The following TSPAN15 variants were observed in gnomAD, a reference collection of about 807,000 sequenced individuals.
TSPAN15 encodes tetraspanin 15.
In TSPAN15, 20 loss-of-function variants were observed where a neutral mutation model predicts 34.5. The ratio of observed to expected loss-of-function variants is 0.58; its 90% CI spans 0.41 to 0.84. TSPAN15 has a LOEUF of 0.84. Among genes scored for constraint, TSPAN15 ranks in the 40% least tolerant of loss-of-function variants. The probability of loss-of-function intolerance (pLI) is 0.00; values close to 1 mark genes in which losing one functional copy is unlikely to be tolerated. For missense variants in TSPAN15, 313 were observed against 386.1 expected, an observed-to-expected ratio of 0.81 and a Z score of 1.59; for synonymous variants, 155 against 153.9, an observed-to-expected ratio of 1.01 and a Z score of -0.05.
At chr10:69,535,251 C>T in the TSPAN15 span, among the ~76,000 whole-genome samples, 14 of 151,930 alleles carry the variant, frequency 9.2e-5, no homozygotes, top group Non-Finnish European at 4.4e-5. Context: ...TCTTATCATA[C>T]CAGACAGAGA....
chr10:69,464,128 G>C (rs1235888067), intron 1 of TSPAN15, among the ~76,000 whole-genome samples: 2 of 152,258 alleles, frequency 1.3e-5, no homozygotes, highest in Non-Finnish European at 2.9e-5. Context: ...AGGCAAGAGG[G>C]CTTCTCCCCT....
chr10:69,539,362 G>A, the TSPAN15 span, among the ~76,000 whole-genome samples: 10 of 134,980 alleles, frequency 7.4e-5, no homozygotes, highest in African/African-American at 2.5e-4. Context: ...ACTCATTCAT[G>A]TAACAAAAAA....
intron 5 of TSPAN15, among the ~76,000 whole-genome samples, chr10:69,502,331 A>G (rs909638545): frequency 6.6e-6 from 1 of 152,192 alleles, no homozygotes; most frequent in Admixed American, 6.5e-5. Flanking sequence ...ATGGCTCCAG[A>G]CTGCTGTGCC....
chr10:69,466,114 C>G (rs1014591282), intron 1 of TSPAN15, among the ~76,000 whole-genome samples: 2 of 152,234 alleles, frequency 1.3e-5, no homozygotes, highest in Non-Finnish European at 2.9e-5. Context: ...TGCAGGAAGG[C>G]AGAAGTGGGG....
chr10:69,502,709 C>T (rs1842235922), intron 5 of TSPAN15, among the ~76,000 whole-genome samples: 1 of 152,112 alleles, frequency 6.6e-6, no homozygotes. Context: ...GAGGGGCTCT[C>T]CTGGCAGGGT....
At chr10:69,474,301 C>T (rs543642809) in intron 1 of TSPAN15, among the ~76,000 whole-genome samples, 1 of 152,290 alleles carries the variant, frequency 6.6e-6, no homozygotes, top group East Asian at 1.9e-4. Flanking sequence ...CTCCTCTTGC[C>T]CTCACTTTGG....
chr10:69,497,816 C>T (rs1479053261), intron 4 of TSPAN15, among the ~76,000 whole-genome samples: 1 of 152,102 alleles, frequency 6.6e-6, no homozygotes, highest in African/African-American at 2.4e-5. Context: ...TGGGTGCTCT[C>T]CTTGCTAAGG....
At chr10:69,511,447 T>C (rs1842413948), downstream of TSPAN15, among the ~76,000 whole-genome samples, 1 of 152,120 alleles carries the variant, frequency 6.6e-6, no homozygotes, top group East Asian at 1.9e-4. Flanking sequence ...TTTTATTGTG[T>C]CTATTTGATT....
At chr10:69,499,575 AC>A (rs1421183579) in intron 5 of TSPAN15, among the ~76,000 whole-genome samples, 1 of 152,210 alleles carries the variant, frequency 6.6e-6, no homozygotes, top group African/African-American at 2.4e-5. Context: ...TTGGCTGAGA[AC>A]CTACTCTATG....
the TSPAN15 span, among the ~76,000 whole-genome samples, chr10:69,528,074 C>T: frequency 1.1e-4 from 16 of 147,974 alleles, 1 homozygote; most frequent in South Asian, 2.1e-4. Flanking sequence ...GCTATCCGCC[C>T]GGATCCCATG....
At chr10:69,533,998 TTGTG>T in the TSPAN15 span, among the ~76,000 whole-genome samples, 1 of 152,332 alleles carries the variant, frequency 6.6e-6, no homozygotes, top group South Asian at 2.1e-4. Context: ...GAAAAACAGT[TTGTG>T]TTTTCCACAC....
At chr10:69,531,489 C>T in the TSPAN15 span, among the ~76,000 whole-genome samples, 1 of 152,094 alleles carries the variant, frequency 6.6e-6, no homozygotes, top group African/African-American at 2.4e-5. Context: ...GTCCCAGCTA[C>T]TCAGGAGGCT....
the TSPAN15 span, among the ~76,000 whole-genome samples, chr10:69,540,178 G>T: frequency 6.6e-6 from 1 of 152,010 alleles, no homozygotes; most frequent in Non-Finnish European, 1.5e-5. Flanking sequence ...GGATCATGAG[G>T]TCAGGAGATC....
chr10:69,539,503 A>G, the TSPAN15 span, among the ~76,000 whole-genome samples: 224 of 73,126 alleles, frequency 3.1e-3, 7 homozygotes, highest in East Asian at 9.7e-3. Context: ...GAAGAAGAAG[A>G]AGAAGAAGAA....
intron 1 of TSPAN15, among the ~76,000 whole-genome samples, chr10:69,467,642 AC>A (rs199833068): frequency 8.3e-6 from 1 of 120,490 alleles, no homozygotes; most frequent in Non-Finnish European, 2.0e-5. Context: ...AAAACAACAC[AC>A]ACACACACAC....
At position 69,451,592 on chromosome 10, in the gene TSPAN15, A is replaced by C; in HGVS notation, c.-3A>C. On this transcript the variant is annotated 5_prime_UTR_variant, in exon 1 of 8. Transcript: ENST00000373290. The stretch of plus-strand genomic sequence containing the variant: ...CCCGTAACCCGCGCGGGGAGCGCCC[A>C]GGATGCCGCGCGGGGACTCGGAGCA... The C allele has an allele frequency of 2.0e-6, 3 of 1,488,352 alleles. No homozygotes were observed. The highest frequency in any genetic ancestry group is 2.7e-6 in the Non-Finnish European group (3 of 1,116,148). The allele number at this position is 1,488,352 out of a possible 1,614,324, so 92.2% of individuals were successfully genotyped here. A position where few individuals can be genotyped will look rare whatever the true frequency, so the allele number is the denominator to read the frequency against.
the TSPAN15 span, among the ~76,000 whole-genome samples, chr10:69,534,397 A>G: frequency 6.6e-6 from 1 of 152,236 alleles, no homozygotes; most frequent in African/African-American, 2.4e-5. Context: ...AGATACTTGT[A>G]GAATGTAATG....
chr10:69,490,691 A>G (rs1435356525), intron 3 of TSPAN15, among the ~76,000 whole-genome samples: 3 of 152,236 alleles, frequency 2.0e-5, no homozygotes, highest in Admixed American at 1.3e-4. Context: ...ACTGCACTCC[A>G]TCCAGCCTGG....
intron 3 of TSPAN15, among the ~76,000 whole-genome samples, chr10:69,490,744 A>AAAACC (rs1407605485): frequency 1.3e-5 from 2 of 152,204 alleles, no homozygotes; most frequent in African/African-American, 4.8e-5. Flanking sequence ...AAAACAAAAC[A>AAAACC]AAAAACCCAG....
Sources: allele counts gnomAD v4.1 joint callset (sites outside exome capture counted in the v4.1 genomes callset), GRCh38; gene constraint gnomAD v4.1.1; transcripts MANE v1.5; gene names NCBI Gene and HGNC (gene_info 2026-07-23, HGNC 2026-07-21).